Variants in ROBO1 observed in about 807,000 individuals in gnomAD.
ROBO1 encodes the protein roundabout guidance receptor 1, also known as roundabout homolog 1.
In ROBO1, 149 loss-of-function variants were observed where a neutral mutation model predicts 195.9. The ratio of observed to expected loss-of-function variants is 0.76; its 90% CI spans 0.67 to 0.87. The LOEUF is 0.87. Among genes scored for constraint, ROBO1 ranks in the 40% least tolerant of loss-of-function variants. ROBO1 has a pLI of 0.00. For missense variants in ROBO1, 1,933 were observed against 2,068.3 expected, an observed-to-expected ratio of 0.93 and a Z score of 1.27; for synonymous variants, 816 against 733.2, an observed-to-expected ratio of 1.11 and a Z score of -1.82.
chr3:79,756,424 C>G (rs1704401137), intron 1 of ROBO1, among the ~76,000 whole-genome samples: 1 of 151,960 alleles, frequency 6.6e-6, no homozygotes, highest in Non-Finnish European at 1.5e-5. Context: ...TGGCGCATGC[C>G]TGTAATCCCA....
intron 1 of ROBO1, among the ~76,000 whole-genome samples, chr3:79,677,523 T>G (rs572063433): frequency 6.6e-6 from 1 of 152,054 alleles, no homozygotes; most frequent in East Asian, 2.0e-4. Flanking sequence ...TTATTCACTA[T>G]CATGAGAACA....
chr3:79,288,626 T>G (rs2032041125), intron 2 of ROBO1, among the ~76,000 whole-genome samples: 1 of 152,166 alleles, frequency 6.6e-6, no homozygotes, highest in East Asian at 1.9e-4. Context: ...AGTTGAACAA[T>G]CAATCTTTCC....
chr3:79,015,216 G>A (rs2077894453), intron 3 of ROBO1, among the ~76,000 whole-genome samples: 1 of 152,052 alleles, frequency 6.6e-6, no homozygotes, highest in Non-Finnish European at 1.5e-5. Flanking sequence ...AGCCAGAAAG[G>A]TTATAAAGAA....
intron 4 of ROBO1, among the ~76,000 whole-genome samples, chr3:78,923,335 A>G (rs1471618411): frequency 6.6e-6 from 1 of 152,102 alleles, no homozygotes; most frequent in East Asian, 1.9e-4. Context: ...GTAAGCAAAA[A>G]TATCTTATTC....
chr3:78,960,822 ACACACACACAC>A (rs2041303803), intron 3 of ROBO1, among the ~76,000 whole-genome samples: 1 of 150,768 alleles, frequency 6.6e-6, no homozygotes, highest in African/African-American at 2.5e-5. Context: ...ACACACACAC[ACACACACACAC>A]AAAATGAAAA....
At chr3:78,863,805 G>C (rs1417774654) in intron 4 of ROBO1, among the ~76,000 whole-genome samples, 2 of 152,212 alleles carry the variant, frequency 1.3e-5, no homozygotes, top group Non-Finnish European at 2.9e-5. Flanking sequence ...AGTTGAAAGA[G>C]TTAGGGATGG....
chr3:79,560,688 G>A (rs941480019), intron 2 of ROBO1, among the ~76,000 whole-genome samples: 2 of 151,458 alleles, frequency 1.3e-5, no homozygotes, highest in Non-Finnish European at 2.9e-5. Context: ...TTAGGCATTA[G>A]AATTATAAAA....
chr3:78,612,119 A>T (rs1244920716), intron 28 of ROBO1, among the ~76,000 whole-genome samples: 6 of 152,144 alleles, frequency 3.9e-5, no homozygotes, highest in African/African-American at 1.4e-4. Flanking sequence ...GTTTTTAAAG[A>T]CTCTACAAAG....
intron 2 of ROBO1, among the ~76,000 whole-genome samples, chr3:79,199,716 T>C (rs1314955732): frequency 1.3e-5 from 2 of 151,810 alleles, no homozygotes; most frequent in East Asian, 1.9e-4. Context: ...TAATGAGATA[T>C]ACATTTTTAG....
chr3:79,688,624 C>T (rs780028548), intron 1 of ROBO1, among the ~76,000 whole-genome samples: 13 of 152,056 alleles, frequency 8.5e-5, no homozygotes, highest in South Asian at 2.1e-4. Context: ...ATTATACTTT[C>T]GCATGTTATT....
At chr3:78,645,125 A>G (rs375530472) in intron 21 of ROBO1, among the ~76,000 whole-genome samples, 20 of 152,122 alleles carry the variant, frequency 1.3e-4, no homozygotes, top group East Asian at 7.7e-4. Flanking sequence ...TTTCACAGGT[A>G]TGAAAACAGG....
At chr3:78,829,623 A>C (rs1268778119) in intron 4 of ROBO1, among the ~76,000 whole-genome samples, 1 of 152,198 alleles carries the variant, frequency 6.6e-6, no homozygotes, top group Non-Finnish European at 1.5e-5. Context: ...CTATGTCGAC[A>C]GGAACTAATG....
At chr3:78,704,304 C>T (rs182706771) in intron 8 of ROBO1, among the ~76,000 whole-genome samples, 99 of 152,076 alleles carry the variant, frequency 6.5e-4, no homozygotes, top group African/African-American at 2.2e-3. Flanking sequence ...AGTTTTTTCT[C>T]TCATTACTTA....
chr3:79,576,175 T>C (rs1943480350), intron 2 of ROBO1, among the ~76,000 whole-genome samples: 2 of 152,012 alleles, frequency 1.3e-5, no homozygotes, highest in Admixed American at 6.6e-5. Context: ...AGACCCGCTA[T>C]TCTGAAGAAG....
Position 78,659,752 on chromosome 3 carries a change from A to G in ROBO1, c.2376T>C (p.Thr792=), listed in dbSNP as rs778954802. ...GTGGCTGCCAACTAACTAGAATTGC[A>G]GTTCCGTTTCCATCATTCTTGGATA... The part of the protein sequence containing the change: ...VTVSKNDGNG[T]AILVSWQPPP... The change falls in exon 17 of 31, where the codon ACT becomes ACC. Residue 792 remains threonine (T), a synonymous_variant. Transcript: ENST00000464233. 3.7e-5 allele frequency: 59 copies of G among 1,597,966 alleles called. No homozygotes were observed. Among genetic ancestry groups the G allele is most frequent in the South Asian group, 3.4e-5 (3 of 88,222 alleles).
intron 2 of ROBO1, among the ~76,000 whole-genome samples, chr3:79,169,112 T>A (rs2081122730): frequency 6.6e-6 from 1 of 152,164 alleles, no homozygotes; most frequent in African/African-American, 2.4e-5. Flanking sequence ...TAGCTACAGC[T>A]TAGATAACCA....
chr3:79,359,038 C>T (rs900079458), intron 2 of ROBO1, among the ~76,000 whole-genome samples: 3 of 151,980 alleles, frequency 2.0e-5, no homozygotes, highest in African/African-American at 4.8e-5. Context: ...CTTCAGACAC[C>T]AGTCATATCA....
intron 19 of ROBO1, among the ~76,000 whole-genome samples, 165 bp downstream of exon 19, chr3:78,651,567 A>G (rs1283678186): frequency 6.6e-6 from 1 of 152,190 alleles, no homozygotes; most frequent in African/African-American, 2.4e-5. Flanking sequence ...TATGTAAGAG[A>G]AGTTAATATG....
intron 2 of ROBO1, among the ~76,000 whole-genome samples, chr3:79,446,952 T>C (rs926713131): frequency 2.0e-5 from 3 of 152,140 alleles, no homozygotes; most frequent in African/African-American, 4.8e-5. Context: ...GCCTCCCACA[T>C]AGCTGGGATT....
Sources: allele counts gnomAD v4.1 joint callset (sites outside exome capture counted in the v4.1 genomes callset), GRCh38; gene constraint gnomAD v4.1.1; transcripts MANE v1.5; gene names NCBI Gene and HGNC (gene_info 2026-07-23, HGNC 2026-07-21).